The following BRCA2 variants were observed in gnomAD, a reference collection of about 807,000 sequenced individuals.
BRCA2 encodes the protein BRCA2 DNA repair associated.
Under a neutral mutation model 276.7 loss-of-function variants are expected in BRCA2, and 203 were observed. That is an observed-to-expected ratio of 0.73 (90% CI 0.65 to 0.82). The LOEUF (loss-of-function observed/expected upper bound fraction) is 0.82, where lower values mean the gene tolerates loss of function less well. Ranked by LOEUF, BRCA2 falls within the 40% of genes least tolerant of loss-of-function variation. BRCA2 has a pLI of 0.00. For synonymous variants in BRCA2, 1,289 were observed against 1,338.4 expected (o/e 0.96, Z 0.81); for missense variants, 3,920 against 3,915.0 (o/e 1.00, Z -0.03).
rs1555283202 is a variant in BRCA2 at position 32,337,723 on chromosome 13, G to C, written c.3368G>C (p.Ser1123Thr). The change falls in exon 11 of 27, where the codon AGT becomes ACT. Residue 1123 changes from serine (S) to threonine (T), a missense_variant. This residue lies in a region of BRCA2 where 3,263 missense variants were observed against 3,156.9 expected (regional missense o/e 1.03). Coordinates refer to ENST00000380152, the MANE Select transcript of BRCA2 (RefSeq NM_000059.4). Reference sequence around the variant, plus strand: ...TCTACTATATTAGAAGAATCAGGAAGTCAGTTTGAATTTACTCAGTTTAGA... The same window carrying C: ...TCTACTATATTAGAAGAATCAGGAACTCAGTTTGAATTTACTCAGTTTAGA... Reference protein sequence around the residue: ...ELSTILEESGSQFEFTQFRKP... With the variant: ...ELSTILEESGTQFEFTQFRKP... The C allele has an allele frequency of 1.2e-6, 2 of 1,613,348 alleles. No homozygotes were observed. The highest frequency in any genetic ancestry group is 1.7e-6 in the Non-Finnish European group (2 of 1,179,696).
chr13:32,362,451 A>T, intron 16 of BRCA2, 72 bp from the exon 17 acceptor site: 1 of 1,390,640 alleles, frequency 7.2e-7, no homozygotes, highest in Non-Finnish European at 1.0e-6. Context: ...TGTACAGAGA[A>T]TAGTTGTAGT....
chr13:32,357,721 G>A (rs376957350), intron 15 of BRCA2, 21 bp from the exon 16 acceptor site: 7 of 1,600,766 alleles, frequency 4.4e-6, no homozygotes, highest in Non-Finnish European at 6.0e-6. Context: ...TTTCTTTTTT[G>A]TGTGTGTTTA....
rs730881554 is a variant in BRCA2 at position 32,319,116 on chromosome 13, C to A, written c.107C>A (p.Ser36Tyr). The A allele has an allele frequency of 6.2e-7, 1 of 1,612,994 alleles. No homozygotes were observed. Among genetic ancestry groups the A allele is most frequent in the African/African-American group, 1.3e-5 (1 of 74,814 alleles). Residue 36 changes from serine to tyrosine, a missense_variant, in exon 3 of 27, where the codon TCT (serine) becomes TAT (tyrosine). Ser to Tyr is a moderately radical substitution (Grantham distance 144, BLOSUM62 -2). This residue lies in a region of BRCA2 where 3,263 missense variants were observed against 3,156.9 expected (regional missense o/e 1.03). Transcript: ENST00000380152. ...PISLNWFEEL[S>Y]SEAPPYNSEP... ...AGTCTTAATTGGTTTGAAGAACTTT[C>A]TTCAGAAGCTCCACCCTATAATTCT... is the stretch of plus-strand genomic sequence containing the variant.
In BRCA2 at chr13:32,336,277, C is replaced by T. The variant is rs786202360; in HGVS notation, c.1922C>T (p.Ser641Phe). The T allele has an allele frequency of 6.2e-7, 1 of 1,602,848 alleles. No individual in the cohort carries two copies. The change falls in exon 11 of 27, where the codon TCT (serine) becomes TTT (phenylalanine). Residue 641 changes from serine (S) to phenylalanine (F), a missense_variant. Transcript: ENST00000380152. ...TTTTTATGTTTAGGTTTATTGCATT[C>T]TTCTGTGAAAAGAAGCTGTTCACAG... Reference protein sequence around the residue: ...FANADSGLLHSSVKRSCSQND... With the variant: ...FANADSGLLHFSVKRSCSQND...
At position 32,330,962 on chromosome 13, in the gene BRCA2, A is replaced by G; in HGVS notation, c.725A>G (p.Lys242Arg). 1.2e-6 allele frequency: 2 copies of G among 1,613,662 alleles called. No homozygotes were observed. Residue 242 changes from lysine (K) to arginine (R), a missense_variant, in exon 9 of 27, where the codon AAA becomes AGA. Physicochemically the swap from Lys to Arg is conservative, Grantham distance 26. This residue lies in a region of BRCA2 where 3,263 missense variants were observed against 3,156.9 expected (regional missense o/e 1.03). Coordinates refer to ENST00000380152, the MANE Select transcript of BRCA2 (RefSeq NM_000059.4). Reference protein sequence around the residue: ...YFSNHDESLKKNDRFIASVTD... With the variant: ...YFSNHDESLKRNDRFIASVTD... ...TCCAATCATGATGAAAGTCTGAAGA[A>G]AAATGATAGATTTATCGCTTCTGTG...
intron 16 of BRCA2, among the ~76,000 whole-genome samples, chr13:32,359,841 A>G (rs2072726887): frequency 6.6e-6 from 1 of 152,204 alleles, no homozygotes; most frequent in Non-Finnish European, 1.5e-5. Flanking sequence ...TAATTCAGCA[A>G]ATCTCTATTG....
At chr13:32,358,463 TGA>T (rs2072716377) in intron 16 of BRCA2, among the ~76,000 whole-genome samples, 1 of 132,926 alleles carries the variant, frequency 7.5e-6, no homozygotes, top group African/African-American at 2.9e-5. Context: ...GCGATAAGAG[TGA>T]GACTCCATCT....
intron 24 of BRCA2, among the ~76,000 whole-genome samples, chr13:32,384,039 A>G (rs2072942694): frequency 6.6e-6 from 1 of 152,202 alleles, no homozygotes; most frequent in Non-Finnish European, 1.5e-5. Flanking sequence ...ACAGTGAGTT[A>G]TGAGTTAAAA....
rs11571622 is a variant in BRCA2, at chr13:32,326,303, A to T, written c.516+21A>T. The T allele has an allele frequency of 1.3e-3, 2,052 of 1,605,382 alleles. 25 individuals are homozygous for T. In the African/African-American group the frequency reaches 0.024, roughly 19 times the overall value. On this transcript the variant is annotated intron_variant, in intron 6 of 26. Coordinates refer to ENST00000380152, the MANE Select transcript of BRCA2 (RefSeq NM_000059.4). ...TGAAGGTAAATATTCTACCTGGTTTATTTTTATGACTTAGTAATTGAGAAT... is the reference window on the plus strand; with the variant it reads ...TGAAGGTAAATATTCTACCTGGTTTTTTTTTATGACTTAGTAATTGAGAAT...
chr13:32,352,594 A>T (rs1176177998), intron 13 of BRCA2, among the ~76,000 whole-genome samples: 1 of 152,240 alleles, frequency 6.6e-6, no homozygotes, highest in Non-Finnish European at 1.5e-5. Context: ...TAAAGATGGC[A>T]TTCCAAATCT....
rs2137620864 is a variant in BRCA2, at chr13:32,379,524, G to A, written c.8953+9G>A. 6.2e-7 allele frequency: 1 copy of A among 1,610,716 alleles called. No individual in the cohort carries two copies. The highest frequency in any genetic ancestry group is 8.5e-7 in the Non-Finnish European group (1 of 1,178,596). ...AAAAGAAAAAGATTCAGGTAAGTAT[G>A]TAAATGCTTTGTTTTTATCAGTTTT... On this transcript the variant is annotated intron_variant, in intron 22 of 26. Coordinates refer to ENST00000380152, the MANE Select transcript of BRCA2 (RefSeq NM_000059.4).
At position 32,332,944 on chromosome 13, in the gene BRCA2, C is replaced by T. The variant is rs587782535; in HGVS notation, c.1466C>T (p.Ser489Phe). Residue 489 changes from serine to phenylalanine, a missense_variant, in exon 10 of 27, where the codon TCT (serine) becomes TTT (phenylalanine). Coordinates refer to ENST00000380152, the MANE Select transcript of BRCA2 (RefSeq NM_000059.4). The stretch of plus-strand genomic sequence containing the variant: ...ATTCTTGCAGTAAAGCAGGCAATAT[C>T]TGGAACTTCTCCAGTGGCTTCTTCA... Reference protein sequence around the residue: ...DCILAVKQAISGTSPVASSFQ... With the variant: ...DCILAVKQAIFGTSPVASSFQ... 1.2e-6 allele frequency: 2 copies of T among 1,605,754 alleles called. No homozygotes were observed. The highest frequency in any genetic ancestry group is 1.7e-5 in the Admixed American group (1 of 57,972).
In BRCA2 at chr13:32,379,885, C is replaced by T. The variant is rs587781792; in HGVS notation, c.9089C>T (p.Thr3030Ile). Residue 3030 changes from threonine to isoleucine, a missense_variant, in exon 23 of 27, where the codon ACA (threonine) becomes ATA (isoleucine). Coordinates refer to ENST00000380152, the MANE Select transcript of BRCA2 (RefSeq NM_000059.4). The stretch of plus-strand genomic sequence containing the variant: ...AGAGCTAACATACAGTTAGCAGCGA[C>T]AAAAAAAACTCAGTATCAACAACTA... ...SERANIQLAATKKTQYQQLPV... is the reference protein window; with the variant it reads ...SERANIQLAAIKKTQYQQLPV... The T allele has an allele frequency of 6.2e-7, 1 of 1,613,004 alleles. No individual in the cohort carries two copies. The highest frequency in any genetic ancestry group is 8.5e-7 in the Non-Finnish European group (1 of 1,179,470).
chr13:32,350,408 TAACTC>T (rs773302807), intron 13 of BRCA2, among the ~76,000 whole-genome samples: 237 of 152,212 alleles, frequency 1.6e-3, no homozygotes, highest in African/African-American at 5.4e-3. Flanking sequence ...TTTTAAAAAT[TAACTC>T]AAGAGAAAGC....
Position 32,319,286 on chromosome 13 carries a change from T to C in BRCA2, c.277T>C (p.Ser93Pro), listed in dbSNP as rs776730435. 1.2e-6 allele frequency: 2 copies of C among 1,613,882 alleles called. No individual in the cohort carries two copies. Among genetic ancestry groups the C allele is most frequent in the Non-Finnish European group, 8.5e-7 (1 of 1,179,798 alleles). ...AGGGCTGACTCTGCCGCTGTACCAATCTCCTGTAAAAGAATTAGATAAATT... is the reference window on the plus strand; with the variant it reads ...AGGGCTGACTCTGCCGCTGTACCAACCTCCTGTAAAAGAATTAGATAAATT... ...EQGLTLPLYQ[S>P]PVKELDKFKL... The change falls in exon 3 of 27, where the codon TCT (serine) becomes CCT (proline). Residue 93 changes from serine (S) to proline (P), a missense_variant. Ser to Pro is a moderately conservative substitution (Grantham distance 74). Transcript: ENST00000380152.
intron 2 of BRCA2, 150 bp downstream of exon 2, chr13:32,316,677 G>A: frequency 4.1e-6 from 3 of 737,454 alleles, no homozygotes; most frequent in Non-Finnish European, 6.8e-6. Context: ...CATAATCATC[G>A]TTTGCAGGTT....
chr13:32,352,252 TG>T (rs1341068114), intron 13 of BRCA2, among the ~76,000 whole-genome samples: 2 of 152,066 alleles, frequency 1.3e-5, no homozygotes, highest in East Asian at 3.8e-4. Flanking sequence ...CAAAAACAGT[TG>T]TATTAAATAA....
In BRCA2 at chr13:32,370,391, A is replaced by G. The variant is rs781485611; in HGVS notation, c.8332-11A>G. ...TAACTACTAAATCAATATATTTATTAATTTGTCCAGATTTCTGCTAACAGT... is the reference window on the plus strand; with the variant it reads ...TAACTACTAAATCAATATATTTATTGATTTGTCCAGATTTCTGCTAACAGT... On this transcript the variant is annotated splice_polypyrimidine_tract_variant and intron_variant, in intron 18 of 26. Coordinates refer to ENST00000380152, the MANE Select transcript of BRCA2 (RefSeq NM_000059.4). 2.5e-6 allele frequency: 4 copies of G among 1,604,688 alleles called. No individual in the cohort carries two copies. Among genetic ancestry groups the G allele is most frequent in the Non-Finnish European group, 3.4e-6 (4 of 1,171,512 alleles).
At chr13:32,344,520 A>T (rs2137536567) in intron 11 of BRCA2, 38 bp from the exon 12 acceptor site, 1 of 1,321,194 alleles carries the variant, frequency 7.6e-7, no homozygotes, top group African/African-American at 1.5e-5. Flanking sequence ...AACTGATATT[A>T]TTTGCCTTAA....
Sources: gnomAD v4.1 joint callset for allele counts (sites outside exome capture counted in the v4.1 genomes callset) on GRCh38, gnomAD v4.1.1 for gene constraint, gnomAD v4.1.1 regional missense constraint, MANE v1.5 for transcripts, NCBI Gene and HGNC (gene_info 2026-07-23, HGNC 2026-07-21) for gene names.